The following HERPUD2 variants were observed in gnomAD, a reference collection of about 807,000 sequenced individuals.
The protein encoded by HERPUD2 is HERPUD family member 2.
Under a neutral mutation model 49.9 loss-of-function variants are expected in HERPUD2, and 13 were observed. The ratio of observed to expected loss-of-function variants is 0.26; its 90% CI spans 0.17 to 0.41. The LOEUF (loss-of-function observed/expected upper bound fraction) is 0.41. Among genes scored for constraint, HERPUD2 ranks in the 10% least tolerant of loss-of-function variants. The pLI is 1.00. For missense variants in HERPUD2, 449 were observed against 492.2 expected, an observed-to-expected ratio of 0.91 and a Z score of 0.83; for synonymous variants, 172 against 171.4, an observed-to-expected ratio of 1.00 and a Z score of -0.03.
Position 35,670,199 on chromosome 7 carries a change from T to C in HERPUD2, c.339+16A>G. On this transcript the variant is annotated intron_variant, in intron 4 of 8. Coordinates refer to ENST00000311350, the MANE Select transcript of HERPUD2 (RefSeq NM_022373.5). ...AAAAGAAAAGTTCAATGTTTACTCC[T>C]CCCAAAACAACTCACAGAATTGCTG... 1 of 1,348,492 alleles carries C rather than the reference T, an allele frequency of 7.4e-7. No homozygotes were observed. Among genetic ancestry groups the C allele is most frequent in the Non-Finnish European group, 1.0e-6 (1 of 969,510 alleles). 83.5% of individuals were successfully genotyped at this position (1,348,492 alleles called of 1,614,324 possible).
At chr7:35,634,244 C>A in intron 8 of HERPUD2, 68 bp downstream of exon 8, 1 of 915,866 alleles carries the variant, frequency 1.1e-6, no homozygotes, top group Non-Finnish European at 1.8e-6. Flanking sequence ...ATTCTTTCAT[C>A]ATGTTGGTCC....
chr7:35,658,292 TAG>T (rs1291460970), intron 5 of HERPUD2, among the ~76,000 whole-genome samples: 1 of 151,808 alleles, frequency 6.6e-6, no homozygotes, highest in African/African-American at 2.4e-5. Flanking sequence ...CTCATGGAGG[TAG>T]AGAGTAGATT....
intron 5 of HERPUD2, among the ~76,000 whole-genome samples, chr7:35,663,039 A>T (rs539369606): frequency 6.6e-6 from 1 of 152,164 alleles, no homozygotes; most frequent in Non-Finnish European, 1.5e-5. Flanking sequence ...ACACTGTATT[A>T]AATGTGTCCC....
At chr7:35,694,093 C>T in intron 2 of HERPUD2, 91 bp downstream of exon 2, 7 of 1,395,208 alleles carry the variant, frequency 5.0e-6, no homozygotes, top group Non-Finnish European at 7.1e-6. Context: ...CTATTTGATT[C>T]AAGACTGGAG....
intron 3 of HERPUD2, among the ~76,000 whole-genome samples, chr7:35,671,318 G>C (rs1785640296): frequency 6.6e-6 from 1 of 151,846 alleles, no homozygotes; most frequent in Non-Finnish European, 1.5e-5. Flanking sequence ...TTTTTTTCAT[G>C]AAACTGAGAA....
chr7:35,657,543 G>C (rs1462397752), intron 5 of HERPUD2, among the ~76,000 whole-genome samples: 2 of 145,218 alleles, frequency 1.4e-5, no homozygotes, highest in African/African-American at 5.2e-5. Flanking sequence ...AATCGCTTGA[G>C]CCCAGGAGTA....
chr7:35,643,273 T>G (rs1030924652), intron 5 of HERPUD2, among the ~76,000 whole-genome samples: 1 of 152,204 alleles, frequency 6.6e-6, no homozygotes, highest in Non-Finnish European at 1.5e-5. Context: ...CCATTCCTAC[T>G]GTAAGACACA....
rs1345398072 is a variant in HERPUD2, at chr7:35,635,006, C to T, written c.941+129G>A. ...CTTCCCTTGCTTTTGGCATCAAAAA[C>T]ATGCCAGATATCTAAAGCCCAGCAT... On this transcript the variant is annotated intron_variant, in intron 7 of 8. Transcript: ENST00000311350. The T allele has an allele frequency of 1.1e-5, 7 of 655,732 alleles. No individual in the cohort carries two copies. The Admixed American group carries it at 1.5e-4, about 14-fold the overall frequency. The allele number at this position is 655,732 out of a possible 1,614,324, so 40.6% of individuals were successfully genotyped here.
chr7:35,667,478 T>C lies in HERPUD2; in HGVS notation c.450A>G (p.Gln150=). The C allele has an allele frequency of 6.2e-7, 1 of 1,614,004 alleles. No homozygotes were observed. Among genetic ancestry groups the C allele is most frequent in the Non-Finnish European group, 8.5e-7 (1 of 1,179,906 alleles). Residue 150 remains glutamine, a synonymous_variant, in exon 5 of 9, where the codon CAA becomes CAG. Coordinates refer to ENST00000311350, the MANE Select transcript of HERPUD2 (RefSeq NM_022373.5). ...ACTGGTGACTCTGTGCTTGGTCAGT[T>C]TGTGCTTGTGGAAGGGTACGCTGCC... The part of the protein sequence containing the change: ...GLRQRTLPQA[Q]TDQAQSHQFP...
Position 35,694,375 on chromosome 7 carries a change from C to T in HERPUD2, c.-45G>A, listed in dbSNP as rs567008283. The T allele has an allele frequency of 2.2e-5, 35 of 1,610,808 alleles. No individual in the cohort carries two copies. Among genetic ancestry groups the T allele is most frequent in the South Asian group, 2.0e-4 (18 of 90,992 alleles). ...AGAGTCCAGAGGAGCGGCAGTTAAGCCCAAAAGAGCCGAGATGGTCACCGC... is the reference window on the plus strand; with the variant it reads ...AGAGTCCAGAGGAGCGGCAGTTAAGTCCAAAAGAGCCGAGATGGTCACCGC... On this transcript the variant is annotated 5_prime_UTR_variant, in exon 2 of 9. Coordinates refer to ENST00000311350, the MANE Select transcript of HERPUD2 (RefSeq NM_022373.5).
chr7:35,650,921 T>G (rs1160077652), intron 5 of HERPUD2, among the ~76,000 whole-genome samples: 1 of 152,126 alleles, frequency 6.6e-6, no homozygotes. Context: ...CCTGGCCCAG[T>G]TCCACCCACC....
At chr7:35,683,211 T>C (rs544808429) in intron 2 of HERPUD2, among the ~76,000 whole-genome samples, 4 of 152,180 alleles carry the variant, frequency 2.6e-5, no homozygotes, top group Non-Finnish European at 5.9e-5. Flanking sequence ...ATGGTACTGA[T>C]ACAAAAACAG....
chr7:35,660,970 T>C (rs1018930105), intron 5 of HERPUD2, among the ~76,000 whole-genome samples: 3 of 152,224 alleles, frequency 2.0e-5, no homozygotes, highest in African/African-American at 7.2e-5. Context: ...ATGTCCTGAA[T>C]GGTATTGCCT....
chr7:35,690,827 G>A (rs960456894), intron 2 of HERPUD2, among the ~76,000 whole-genome samples: 24 of 151,872 alleles, frequency 1.6e-4, no homozygotes, highest in African/African-American at 5.1e-4. Flanking sequence ...AAAAAGAACG[G>A]TATAAAAAAG....
intron 2 of HERPUD2, among the ~76,000 whole-genome samples, chr7:35,689,297 A>AAAAGAGGTTTTGAAC (rs1455143675): frequency 9.2e-5 from 14 of 152,216 alleles, no homozygotes; most frequent in Non-Finnish European, 1.8e-4. Flanking sequence ...CCCTTTGTTC[A>AAAAGAGGTTTTGAAC]AAAGAGGTTT....
intron 2 of HERPUD2, among the ~76,000 whole-genome samples, chr7:35,691,978 C>T (rs1199669258): frequency 6.6e-6 from 1 of 152,206 alleles, no homozygotes; most frequent in African/African-American, 2.4e-5. Flanking sequence ...CGCTCCAGAG[C>T]TCCACCCACT....
At chr7:35,661,121 T>G (rs1785409794) in intron 5 of HERPUD2, among the ~76,000 whole-genome samples, 1 of 152,208 alleles carries the variant, frequency 6.6e-6, no homozygotes, top group African/African-American at 2.4e-5. Flanking sequence ...CCCAGCACCA[T>G]TTATAAAATA....
intron 5 of HERPUD2, among the ~76,000 whole-genome samples, chr7:35,659,972 G>A (rs1168503588): frequency 6.6e-6 from 1 of 151,638 alleles, no homozygotes; most frequent in Non-Finnish European, 1.5e-5. Flanking sequence ...TTGGTCTGCT[G>A]CACCCATTAA....
In HERPUD2 at chr7:35,654,422, A is replaced by G. The variant is rs189101801; in HGVS notation, c.494+13012T>C. ...AATCATCAAGATATTATGAACAACT[A>G]CACACTAATACATCAGAAAACCAAG... On this transcript the variant is annotated intron_variant, in intron 5 of 8. Coordinates refer to ENST00000311350, the MANE Select transcript of HERPUD2 (RefSeq NM_022373.5). Among the ~76,000 whole-genome samples, 3 of 152,056 alleles carry G rather than the reference A, an allele frequency of 2.0e-5. No homozygotes were observed. The East Asian group carries it at 5.8e-4, about 29-fold the overall frequency.
Sources: allele counts gnomAD v4.1 joint callset (sites outside exome capture counted in the v4.1 genomes callset), GRCh38; gene constraint gnomAD v4.1.1; transcripts MANE v1.5; gene names NCBI Gene and HGNC (gene_info 2026-07-23, HGNC 2026-07-21).